Variants in DCN observed in about 807,000 individuals in gnomAD.
The protein encoded by DCN is decorin, also known as bone proteoglycan II.
DCN carries 17 observed loss-of-function variants against 36.5 expected under a neutral mutation model. That is an observed-to-expected ratio of 0.47 (90% CI 0.32 to 0.70). The LOEUF is 0.70. Among genes scored for constraint, DCN ranks in the 30% least tolerant of loss-of-function variants. The pLI, the probability that DCN is intolerant of heterozygous loss-of-function variation, is 0.04. For missense variants in DCN, 389 were observed against 430.1 expected, an observed-to-expected ratio of 0.90 and a Z score of 0.84; for synonymous variants, 163 against 161.4, an observed-to-expected ratio of 1.01 and a Z score of -0.07.
chr12:91,149,016 A>G (rs1387586816), intron 7 of DCN, among the ~76,000 whole-genome samples: 1 of 152,186 alleles, frequency 6.6e-6, no homozygotes, highest in African/African-American at 2.4e-5. Context: ...GTTAATATTG[A>G]AAGTGAGAGA....
chr12:91,155,125 T>A (rs1053174727), intron 5 of DCN, among the ~76,000 whole-genome samples: 1 of 152,164 alleles, frequency 6.6e-6, no homozygotes, highest in African/African-American at 2.4e-5. Flanking sequence ...AAGGAGGACT[T>A]AATATGCCAA....
At chr12:91,176,832 A>G (rs1390302978) in intron 2 of DCN, 1 of 152,166 alleles carries the variant, frequency 6.6e-6, no homozygotes, top group Non-Finnish European at 1.5e-5. Context: ...GTAACTTCAG[A>G]AAAGATTATC....
intron 3 of DCN, among the ~76,000 whole-genome samples, chr12:91,161,101 G>A (rs1170642438): frequency 6.6e-6 from 1 of 152,144 alleles, no homozygotes; most frequent in African/African-American, 2.4e-5. Flanking sequence ...GAGAAAAATA[G>A]CTGCTTAACA....
In DCN at chr12:91,182,757, G is replaced by C. The variant is rs992947557; in HGVS notation, c.-136C>G. 6.6e-6 allele frequency: 1 copy of C among 151,942 alleles called. No individual in the cohort carries two copies. Among genetic ancestry groups the C allele is most frequent in the African/African-American group, 2.4e-5 (1 of 41,394 alleles). The allele number at this position is 151,942 out of a possible 1,614,324, so 9.4% of individuals were successfully genotyped here. On this transcript the variant is annotated 5_prime_UTR_variant, in exon 1 of 8. Transcript: ENST00000052754. ...AGTTTGCAGGTGTGGAAAGGAGGAG[G>C]GGGTAGGTGCTGCTCTGTGACTAGG...
At chr12:91,150,950 G>A (rs1401518216) in intron 7 of DCN, 1 of 152,452 alleles carries the variant, frequency 6.6e-6, no homozygotes, top group Admixed American at 6.5e-5. Context: ...ACAAGGACAT[G>A]GATGAAACTA....
chr12:91,148,229 A>G (rs1019747044), intron 7 of DCN, among the ~76,000 whole-genome samples: 5 of 151,530 alleles, frequency 3.3e-5, no homozygotes, highest in Non-Finnish European at 7.4e-5. Context: ...GCCCACCACC[A>G]CGCCCGGCTA....
chr12:91,164,400 C>CA (rs5799980), intron 3 of DCN, among the ~76,000 whole-genome samples: 838 of 78,864 alleles, frequency 0.011, 12 homozygotes, highest in African/African-American at 0.032. Flanking sequence ...AAGCATAATT[C>CA]AAAAAAAAAA....
At position 91,144,838 on chromosome 12, in the gene DCN, T is replaced by C. The variant is rs888780293; in HGVS notation, c.*1220A>G. On this transcript the variant is annotated 3_prime_UTR_variant, in exon 8 of 8. Transcript: ENST00000052754. Reference sequence around the variant, plus strand: ...ACTCATTCTGCTACTATTAGCAGAATTGATTACCTCTCATGTGAGCCACTA... The same window carrying C: ...ACTCATTCTGCTACTATTAGCAGAACTGATTACCTCTCATGTGAGCCACTA... 5.3e-5 allele frequency: 8 copies of C among 152,314 alleles called. No individual in the cohort carries two copies. The highest frequency in any genetic ancestry group is 1.2e-4 in the African/African-American group (5 of 41,574). The allele number at this position is 152,314 out of a possible 1,614,324, so 9.4% of individuals were successfully genotyped here.
Position 91,158,300 on chromosome 12 carries a change from G to C in DCN, c.534C>G (p.Val178=). Residue 178 remains valine (V), a synonymous_variant, in exon 4 of 8, where the codon GTC becomes GTG. Coordinates refer to ENST00000052754, the MANE Select transcript of DCN (RefSeq NM_001920.5). ...AAGTTATAAAAATGTCTGTACCTAT[G>C]ACAATCATCTGGTTCAGTCCATTGA... ...VTFNGLNQMI[V]IELGTNPLKS... 1 of 1,589,342 alleles carries C rather than the reference G, an allele frequency of 6.3e-7. No homozygotes were observed.
chr12:91,145,851 CA>C lies in DCN; in HGVS notation c.*206del. 1.7e-6 allele frequency: 1 copy of C among 572,816 alleles called. No homozygotes were observed. The highest frequency in any genetic ancestry group is 2.1e-5 in the South Asian group (1 of 47,698). The allele number at this position is 572,816 out of a possible 1,614,324, so 35.5% of individuals were successfully genotyped here. ...CTCAGTTAACATCAACAGAAAGCTTCAAAAGATGATTCTGAAAATGGCAGGC... is the reference window on the plus strand; with the variant it reads ...CTCAGTTAACATCAACAGAAAGCTTCAAAGATGATTCTGAAAATGGCAGGC... On this transcript the variant is annotated 3_prime_UTR_variant, in exon 8 of 8. Coordinates refer to ENST00000052754, the MANE Select transcript of DCN (RefSeq NM_001920.5).
chr12:91,160,991 T>A (rs1373712031), intron 3 of DCN, among the ~76,000 whole-genome samples: 2 of 152,158 alleles, frequency 1.3e-5, no homozygotes, highest in African/African-American at 4.8e-5. Context: ...CTTGCTAAAT[T>A]TTCATTTCTC....
Position 91,142,497 on chromosome 12 carries a change from A to T in DCN, c.*3561T>A, listed in dbSNP as rs1379139695. On this transcript the variant is annotated 3_prime_UTR_variant, in exon 8 of 8. Coordinates refer to ENST00000052754, the MANE Select transcript of DCN (RefSeq NM_001920.5). The stretch of plus-strand genomic sequence containing the variant: ...ATTATGGAGAACGGTAAAGGAATAT[A>T]AAAAAGATAATAGTGATGATTCAGA... The T allele has an allele frequency of 2.6e-5, 4 of 152,232 alleles. No individual in the cohort carries two copies. The highest frequency in any genetic ancestry group is 5.9e-5 in the Non-Finnish European group (4 of 68,036). The allele number at this position is 152,232 out of a possible 1,614,324, so 9.4% of individuals were successfully genotyped here.
At chr12:91,175,200 T>C (rs1883219446) in intron 2 of DCN, 1 of 152,076 alleles carries the variant, frequency 6.6e-6, no homozygotes, top group Non-Finnish European at 1.5e-5. Flanking sequence ...TTTCTTAACA[T>C]GATAGATAAA....
chr12:91,152,401 G>C (rs904574072), intron 6 of DCN, among the ~76,000 whole-genome samples: 1 of 152,054 alleles, frequency 6.6e-6, no homozygotes, highest in Non-Finnish European at 1.5e-5. Flanking sequence ...GCATGATAGT[G>C]TGCTTCTCTG....
intron 7 of DCN, among the ~76,000 whole-genome samples, chr12:91,149,181 C>CA (rs539724045): frequency 2.2e-4 from 34 of 152,042 alleles, no homozygotes; most frequent in African/African-American, 6.5e-4. Flanking sequence ...TGAATATGGA[C>CA]AAAAAATCTT....
At chr12:91,154,911 T>C (rs1881663157) in intron 5 of DCN, among the ~76,000 whole-genome samples, 1 of 152,068 alleles carries the variant, frequency 6.6e-6, no homozygotes, top group Non-Finnish European at 1.5e-5. Flanking sequence ...AAAGTCACAG[T>C]ACAACTAAAT....
At position 91,169,221 on chromosome 12, in the gene DCN, ACCCCAT is replaced by A. The variant is rs1211425508; in HGVS notation, c.212-4510_212-4505del. On this transcript the variant is annotated intron_variant, in intron 2 of 7. Transcript: ENST00000052754. ...AGACCAGCCTGGGCAACATAGCAAGACCCCATCTTTACAAAAAATTAGCTGAGCATG... is the reference window on the plus strand; with the variant it reads ...AGACCAGCCTGGGCAACATAGCAAGACTTTACAAAAAATTAGCTGAGCATG... Among the ~76,000 whole-genome samples, 266 of 151,612 alleles carry A rather than the reference ACCCCAT, an allele frequency of 1.8e-3. 1 individual carries two copies. Among genetic ancestry groups the A allele is most frequent in the African/African-American group, 6.2e-3 (256 of 41,316 alleles).
chr12:91,152,792 A>G (rs1407588946), intron 6 of DCN, among the ~76,000 whole-genome samples: 2 of 152,154 alleles, frequency 1.3e-5, no homozygotes, highest in East Asian at 3.8e-4. Flanking sequence ...CAAATAAGTT[A>G]GAACATATTA....
rs1287076866 is a variant in DCN, at chr12:91,165,011, CTA to C, written c.212-296_212-295del. Among the ~76,000 whole-genome samples, 7 of 152,134 alleles carry C rather than the reference CTA, an allele frequency of 4.6e-5. No individual in the cohort carries two copies. In the East Asian group the frequency reaches 5.8e-4, roughly 13 times the overall value. On this transcript the variant is annotated intron_variant, in intron 2 of 7. Transcript: ENST00000052754. ...TGTTGCATTAGGGTGTGGCTCAAATCTATATGTTTTACCTCTTTGTTGTTGTA... is the reference window on the plus strand; with the variant it reads ...TGTTGCATTAGGGTGTGGCTCAAATCTATGTTTTACCTCTTTGTTGTTGTA...
Sources: gnomAD v4.1 joint callset for allele counts (sites outside exome capture counted in the v4.1 genomes callset) on GRCh38, gnomAD v4.1.1 for gene constraint, MANE v1.5 for transcripts, NCBI Gene and HGNC (gene_info 2026-07-23, HGNC 2026-07-21) for gene names.